UBAP2L: variants seen among roughly 807,000 people sequenced by gnomAD.
The protein encoded by UBAP2L is ubiquitin-associated protein 2-like.
In UBAP2L, 12 loss-of-function variants were observed where a neutral mutation model predicts 130.6. The observed-to-expected ratio is 0.09, with a 90% confidence interval of 0.06 to 0.15. UBAP2L has a LOEUF of 0.15. Ranked by LOEUF, UBAP2L falls within the 10% of genes least tolerant of loss-of-function variation. The pLI, the probability that UBAP2L is intolerant of heterozygous loss-of-function variation, is 1.00. For missense variants in UBAP2L, 965 were observed against 1,332.5 expected (o/e 0.72, Z 4.29); for synonymous variants, 503 against 524.7 (o/e 0.96, Z 0.57).
chr1:154,251,806 T>C (rs1002916743), intron 14 of UBAP2L, among the ~76,000 whole-genome samples, 153 bp downstream of exon 14: 1 of 152,130 alleles, frequency 6.6e-6, no homozygotes, highest in Admixed American at 6.5e-5. Context: ...TTTAAAATAT[T>C]GTTATTAGGG....
chr1:154,248,023 A>G (rs1397963470), intron 11 of UBAP2L, among the ~76,000 whole-genome samples: 1 of 150,848 alleles, frequency 6.6e-6, no homozygotes, highest in East Asian at 2.0e-4. Context: ...GCTGGAGTGC[A>G]ATGGCGCGAT....
intron 8 of UBAP2L, among the ~76,000 whole-genome samples, chr1:154,237,637 T>G (rs1672106908): frequency 6.6e-6 from 1 of 152,250 alleles, no homozygotes; most frequent in Admixed American, 6.5e-5. Flanking sequence ...TTTCTGTTAC[T>G]GAGATAAGAA....
At chr1:154,223,911 T>A (rs1431755908) in intron 1 of UBAP2L, among the ~76,000 whole-genome samples, 1 of 152,184 alleles carries the variant, frequency 6.6e-6, no homozygotes, top group Non-Finnish European at 1.5e-5. Context: ...AAGGTTTCAT[T>A]AACAAGAAAA....
chr1:154,269,039 C>T (rs1684143007), intron 26 of UBAP2L, 85 bp downstream of exon 26: 1 of 1,485,022 alleles, frequency 6.7e-7, no homozygotes, highest in Non-Finnish European at 9.2e-7. Context: ...TCTTACCCTT[C>T]CTCACCACCA....
chr1:154,257,793 G>A (rs368349934), intron 20 of UBAP2L: 138 of 289,970 alleles, frequency 4.8e-4, no homozygotes, highest in African/African-American at 2.7e-3. Context: ...CATCTATTGT[G>A]TATCTGCTTT....
At chr1:154,248,209 T>C (rs1329273911) in intron 11 of UBAP2L, among the ~76,000 whole-genome samples, 1 of 152,032 alleles carries the variant, frequency 6.6e-6, no homozygotes, top group Non-Finnish European at 1.5e-5. Flanking sequence ...TAAGGTGAGC[T>C]GCCCGCCTCA....
chr1:154,229,899 C>G (rs959147028), intron 4 of UBAP2L, among the ~76,000 whole-genome samples: 13 of 152,146 alleles, frequency 8.5e-5, no homozygotes, highest in African/African-American at 3.1e-4. Flanking sequence ...TCTTGTTGCC[C>G]AGGCTGGAGT....
At chr1:154,248,944 A>G (rs1226558774) in intron 11 of UBAP2L, among the ~76,000 whole-genome samples, 1 of 152,222 alleles carries the variant, frequency 6.6e-6, no homozygotes, top group African/African-American at 2.4e-5. Context: ...TGTGCCATAC[A>G]TGTATTAAGT....
chr1:154,243,403 T>C (rs1674234279), intron 10 of UBAP2L, 101 bp downstream of exon 10: 1 of 928,516 alleles, frequency 1.1e-6, no homozygotes, highest in Non-Finnish European at 1.6e-6. Flanking sequence ...ATGGTGTCAA[T>C]AATAATAACC....
At chr1:154,257,736 T>G (rs1680113834) in intron 20 of UBAP2L, 1 of 382,012 alleles carries the variant, frequency 2.6e-6, no homozygotes, top group Admixed American at 4.3e-5. Flanking sequence ...ATCAAACTGG[T>G]TTTTAATCTT....
chr1:154,248,451 A>G (rs1026997231), intron 11 of UBAP2L, among the ~76,000 whole-genome samples: 3 of 152,124 alleles, frequency 2.0e-5, no homozygotes, highest in African/African-American at 7.2e-5. Flanking sequence ...AGTTTTTTTA[A>G]TGAGAAGGGC....
intron 24 of UBAP2L, chr1:154,263,427 T>C: frequency 8.1e-7 from 1 of 1,229,842 alleles, no homozygotes; most frequent in South Asian, 3.2e-5. Context: ...TTGCTTTTGA[T>C]TTCTGGAAGG....
At chr1:154,267,113 T>C (rs1683468106) in intron 25 of UBAP2L, among the ~76,000 whole-genome samples, 1 of 151,856 alleles carries the variant, frequency 6.6e-6, no homozygotes, top group Non-Finnish European at 1.5e-5. Context: ...ACTTCAAATA[T>C]CTCAGTATGT....
rs1186400237 is a variant in UBAP2L at position 154,236,427 on chromosome 1, GGAT to G, written c.545-137_545-135del. 4 of 841,124 alleles carry G rather than the reference GGAT, an allele frequency of 4.8e-6. No individual in the cohort carries two copies. In the African/African-American group the frequency reaches 6.8e-5, roughly 14 times the overall value. 52.1% of individuals were successfully genotyped at this position (841,124 alleles called of 1,614,324 possible). ...TTGCCTAGGCTGGTCTCGAACTTCT[GGAT>G]GCAACCAATCCGCCCGCCCTCAGCC... is the stretch of plus-strand genomic sequence containing the variant. On this transcript the variant is annotated intron_variant, in intron 6 of 26. Coordinates refer to ENST00000428931, the MANE Select transcript of UBAP2L (RefSeq NM_014847.4).
upstream of UBAP2L, chr1:154,220,768 A>G (rs901882007): frequency 1.2e-5 from 3 of 255,484 alleles, no homozygotes; most frequent in Admixed American, 5.1e-5. Context: ...AGCCGGAAAG[A>G]GGTGTCTCGT....
chr1:154,270,819 G>A lies in UBAP2L; in HGVS notation c.*524G>A. Reference sequence around the variant, plus strand: ...GTCCTCAAATTTAATGGATTAATGTGTCTTGTATATATAAAAAGAAAACCT... The same window carrying A: ...GTCCTCAAATTTAATGGATTAATGTATCTTGTATATATAAAAAGAAAACCT... On this transcript the variant is annotated 3_prime_UTR_variant, in exon 27 of 27. Transcript: ENST00000428931. 8.6e-7 allele frequency: 1 copy of A among 1,166,474 alleles called. No homozygotes were observed. The allele number at this position is 1,166,474 out of a possible 1,614,324, so 72.3% of individuals were successfully genotyped here.
intron 24 of UBAP2L, chr1:154,263,634 G>T: frequency 3.4e-6 from 2 of 581,760 alleles, no homozygotes; most frequent in Non-Finnish European, 4.3e-6. Flanking sequence ...TTTCAGTATG[G>T]TGGTTTTATG....
At chr1:154,243,169 A>G (rs775496593) in intron 9 of UBAP2L, 48 bp from the exon 10 acceptor site, 2 of 1,542,236 alleles carry the variant, frequency 1.3e-6, no homozygotes, top group Non-Finnish European at 1.8e-6. Context: ...CAAGTTTCTG[A>G]CTGTAGCATC....
At chr1:154,251,735 A>G in intron 14 of UBAP2L, 82 bp downstream of exon 14, 1 of 1,534,678 alleles carries the variant, frequency 6.5e-7, no homozygotes, top group South Asian at 1.2e-5. Context: ...AGAACTCTGG[A>G]GAGGCCAAGC....
Sources: gnomAD v4.1 joint callset for allele counts (sites outside exome capture counted in the v4.1 genomes callset) on GRCh38, gnomAD v4.1.1 for gene constraint, MANE v1.5 for transcripts, NCBI Gene and HGNC (gene_info 2026-07-23, HGNC 2026-07-21) for gene names.